Variants in TACC2 observed in about 807,000 individuals in gnomAD.
TACC2 encodes transforming acidic coiled-coil containing protein 2.
Under a neutral mutation model 227.3 loss-of-function variants are expected in TACC2, and 137 were observed. That is an observed-to-expected ratio of 0.60 (90% CI 0.52 to 0.69). The LOEUF (loss-of-function observed/expected upper bound fraction) is 0.69, where lower values mean the gene tolerates loss of function less well. TACC2 is among the 30% of genes least tolerant of loss of function. TACC2 has a pLI of 0.00. For missense variants in TACC2, 3,470 were observed against 3,694.4 expected, an observed-to-expected ratio of 0.94 and a Z score of 1.57; for synonymous variants, 1,523 against 1,487.5, an observed-to-expected ratio of 1.02 and a Z score of -0.55.
rs771559274 is a variant in TACC2 at position 122,082,920 on chromosome 10, G to A, written c.420G>A (p.Arg140=). The A allele has an allele frequency of 1.7e-5, 27 of 1,613,024 alleles. No homozygotes were observed. Among genetic ancestry groups the A allele is most frequent in the Non-Finnish European group, 2.1e-5 (25 of 1,180,034 alleles). ...GTCCTCAGACTCAGTCTCCCAGGAG[G>A]GAACCTGCCCCAAATGCCCCAGGAG... ...EDGPQTQSPR[R]EPAPNAPGDI... is the part of the protein sequence containing the mutation. The change falls in exon 4 of 23, where the codon AGG becomes AGA. Residue 140 remains arginine (R), a synonymous_variant. Coordinates refer to ENST00000369005, the MANE Select transcript of TACC2 (RefSeq NM_206862.4).
intron 2 of TACC2, among the ~76,000 whole-genome samples, chr10:122,036,978 A>C (rs1960610406): frequency 6.6e-6 from 1 of 152,004 alleles, no homozygotes; most frequent in Admixed American, 6.6e-5. Flanking sequence ...TTGTTTTTTA[A>C]ATTACAGTCA....
At chr10:122,253,258 T>C (rs1284071015) in intron 22 of TACC2, among the ~76,000 whole-genome samples, 1 of 152,226 alleles carries the variant, frequency 6.6e-6, no homozygotes, top group African/African-American at 2.4e-5. Context: ...AGATCGGTCG[T>C]GCTGTTGAAC....
chr10:122,067,510 T>G (rs1230935643), intron 3 of TACC2, among the ~76,000 whole-genome samples: 1 of 148,820 alleles, frequency 6.7e-6, no homozygotes, highest in Non-Finnish European at 1.5e-5. Flanking sequence ...GTTTCTGGTT[T>G]TTTTTTTTTT....
intron 7 of TACC2, among the ~76,000 whole-genome samples, chr10:122,154,481 G>A (rs1247397027): frequency 6.6e-6 from 1 of 152,210 alleles, no homozygotes; most frequent in East Asian, 1.9e-4. Context: ...ATGCCTAATA[G>A]CCTCTGCAGG....
intron 7 of TACC2, among the ~76,000 whole-genome samples, chr10:122,155,321 G>A (rs1234420116): frequency 2.0e-5 from 3 of 152,144 alleles, no homozygotes; most frequent in Admixed American, 1.3e-4. Flanking sequence ...TCCTTAAAAG[G>A]CCTTTTATTC....
intron 5 of TACC2, among the ~76,000 whole-genome samples, chr10:122,129,499 C>T (rs2087618629): frequency 6.6e-6 from 1 of 152,134 alleles, no homozygotes; most frequent in Non-Finnish European, 1.5e-5. Flanking sequence ...CATATTTGCC[C>T]ATGCCCTTAA....
chr10:122,229,015 C>T lies in TACC2; in HGVS notation c.7897-331C>T, dbSNP rs17103239. On this transcript the variant is annotated intron_variant, in intron 14 of 22. Coordinates refer to ENST00000369005, the MANE Select transcript of TACC2 (RefSeq NM_206862.4). ...AAGTATTTCTTGAAGAGTTATGTTA[C>T]GTTTGGAAAACCCACCAGCTAACTG... 0.011 allele frequency among the ~76,000 whole-genome samples: 1,708 copies of T among 152,088 alleles called. 115 individuals are homozygous for T. The East Asian group carries it at 0.21, about 18-fold the overall frequency.
intron 1 of TACC2, among the ~76,000 whole-genome samples, chr10:122,016,907 A>G (rs1956718188): frequency 6.6e-6 from 1 of 152,202 alleles, no homozygotes; most frequent in African/African-American, 2.4e-5. Flanking sequence ...CTAATCCAAC[A>G]TGACTGTTGT....
chr10:122,195,471 G>C (rs1322197759), intron 8 of TACC2, among the ~76,000 whole-genome samples: 5 of 152,164 alleles, frequency 3.3e-5, no homozygotes, highest in Non-Finnish European at 7.3e-5. Flanking sequence ...CCAGCACTTG[G>C]CCCCTTGCTC....
At position 122,216,527 on chromosome 10, in the gene TACC2, C is replaced by T. The variant is rs376294995; in HGVS notation, c.7345-100C>T. ...AGAAGAGCATGCAGAGGATTGTGACCGGGACCTGTCCTGGCTAATGGGTCC... is the reference window on the plus strand; with the variant it reads ...AGAAGAGCATGCAGAGGATTGTGACTGGGACCTGTCCTGGCTAATGGGTCC... On this transcript the variant is annotated intron_variant, in intron 10 of 22. Coordinates refer to ENST00000369005, the MANE Select transcript of TACC2 (RefSeq NM_206862.4). 2.8e-4 allele frequency: 336 copies of T among 1,195,450 alleles called. No individual in the cohort carries two copies. In the East Asian group the frequency reaches 5.2e-3, roughly 18 times the overall value. 74.1% of individuals were successfully genotyped at this position (1,195,450 alleles called of 1,614,324 possible). A position where few individuals can be genotyped will look rare whatever the true frequency, so the allele number is the denominator to read the frequency against.
At chr10:122,116,851 T>G (rs1161903836) in intron 5 of TACC2, among the ~76,000 whole-genome samples, 5 of 152,136 alleles carry the variant, frequency 3.3e-5, no homozygotes, top group African/African-American at 4.8e-5. Flanking sequence ...GCTGGTTGTC[T>G]CGGCTTCCTT....
At chr10:122,226,532 C>T (rs183330479) in intron 13 of TACC2, 51 bp downstream of exon 13, 1 of 1,251,368 alleles carries the variant, frequency 8.0e-7, no homozygotes, top group African/African-American at 1.5e-5. Flanking sequence ...TGTTCTAAAG[C>T]CTCTGAGCAC....
chr10:122,163,735 G>C (rs543498450), intron 7 of TACC2: 1 of 1,145,132 alleles, frequency 8.7e-7, no homozygotes, highest in Non-Finnish European at 1.1e-6. Flanking sequence ...CTCGCCCCCC[G>C]GCCCCCGGCT....
intron 5 of TACC2, among the ~76,000 whole-genome samples, chr10:122,092,371 T>C (rs1198265580): frequency 2.6e-5 from 4 of 152,214 alleles, no homozygotes. Flanking sequence ...ATCAAAACAC[T>C]GTTTCAAGTT....
intron 3 of TACC2, among the ~76,000 whole-genome samples, chr10:122,061,478 A>G (rs7908059): frequency 0.18 from 27,481 of 151,990 alleles, 2,577 homozygotes; most frequent in East Asian, 0.32. Context: ...TGAAGCTGTC[A>G]GGACAAAGTG....
chr10:122,083,137 C>T lies in TACC2; in HGVS notation c.637C>T (p.Leu213=). Residue 213 remains leucine (L), a synonymous_variant, in exon 4 of 23, where the codon CTG becomes TTG. Coordinates refer to ENST00000369005, the MANE Select transcript of TACC2 (RefSeq NM_206862.4). Reference sequence around the variant, plus strand: ...CCTCAGAGAGCCAATGAAGGCACCGCTGTGTGGAGAGGGGGACCAGCCTGG... The same window carrying T: ...CCTCAGAGAGCCAATGAAGGCACCGTTGTGTGGAGAGGGGGACCAGCCTGG... ...VPLREPMKAP[L]CGEGDQPGGF... 6.2e-7 allele frequency: 1 copy of T among 1,613,148 alleles called. No individual in the cohort carries two copies. Among genetic ancestry groups the T allele is most frequent in the Non-Finnish European group, 8.5e-7 (1 of 1,180,014 alleles).
intron 3 of TACC2, among the ~76,000 whole-genome samples, chr10:122,062,646 G>A (rs1489151415): frequency 6.6e-6 from 1 of 152,120 alleles, no homozygotes; most frequent in East Asian, 1.9e-4. Flanking sequence ...GATAGGAGGT[G>A]TAGCATAATA....
Position 122,084,149 on chromosome 10 carries a change from C to G in TACC2, c.1649C>G (p.Thr550Arg). 1 of 1,614,040 alleles carries G rather than the reference C, an allele frequency of 6.2e-7. No individual in the cohort carries two copies. The highest frequency in any genetic ancestry group is 2.2e-5 in the East Asian group (1 of 44,858). The stretch of plus-strand genomic sequence containing the variant: ...AGTGCCAGAGGGCCACCGGGGCCAA[C>G]GGATGGAGCCAAGGTCCATGAAGAT... ...SESARGPPGP[T>R]DGAKVHEDST... is the part of the protein sequence containing the mutation. The change falls in exon 4 of 23, where the codon ACG (threonine) becomes AGG (arginine). Residue 550 changes from threonine to arginine, a missense_variant. Physicochemically the swap from Thr to Arg is moderately conservative, Grantham distance 71. Around this residue, in one of 10 missense-constraint regions of TACC2, gnomAD observed 1,924 missense variants for 1,978.3 expected, o/e 0.97. Coordinates refer to ENST00000369005, the MANE Select transcript of TACC2 (RefSeq NM_206862.4).
At chr10:122,057,816 A>C (rs2459099) in intron 3 of TACC2, among the ~76,000 whole-genome samples, 86,441 of 151,780 alleles carry the variant, frequency 0.57, 25,597 homozygotes, top group Non-Finnish European at 0.65. Context: ...GCAAGAGTGA[A>C]ACTCCGTCTC....
Sources: gnomAD v4.1 joint callset for allele counts (sites outside exome capture counted in the v4.1 genomes callset) on GRCh38, gnomAD v4.1.1 for gene constraint, gnomAD v4.1.1 regional missense constraint, MANE v1.5 for transcripts, NCBI Gene and HGNC (gene_info 2026-07-23, HGNC 2026-07-21) for gene names.